The following MLKL variants were observed in gnomAD, a reference collection of about 807,000 sequenced individuals.
MLKL encodes the protein mixed lineage kinase domain-like protein.
A neutral mutation model predicts 56.5 loss-of-function variants in MLKL; 55 were observed. The observed-to-expected ratio is 0.97, with a 90% CI of 0.78 to 1.22. The LOEUF (loss-of-function observed/expected upper bound fraction) is 1.22, where lower values mean the gene tolerates loss of function less well. Ranked by LOEUF, MLKL falls within the 50% of genes most tolerant of loss-of-function variation. MLKL has a pLI of 0.00. For missense variants in MLKL, 694 were observed against 573.9 expected (o/e 1.21, Z -2.14); for synonymous variants, 251 against 208.3 (o/e 1.20, Z -1.76).
intron 1 of MLKL, among the ~76,000 whole-genome samples, chr16:74,698,220 C>T (rs1263193375): frequency 2.0e-5 from 3 of 151,958 alleles, no homozygotes; most frequent in Non-Finnish European, 4.4e-5. Context: ...AAAACACCAC[C>T]ACCACCACCA....
chr16:74,693,760 C>T (rs1960839789), intron 2 of MLKL, among the ~76,000 whole-genome samples: 1 of 151,952 alleles, frequency 6.6e-6, no homozygotes, highest in Admixed American at 6.6e-5. Context: ...CCCACCACCT[C>T]GCCCGTCTAA....
intron 4 of MLKL, among the ~76,000 whole-genome samples, chr16:74,689,927 G>C (rs1960565953): frequency 6.6e-6 from 1 of 152,128 alleles, no homozygotes; most frequent in Non-Finnish European, 1.5e-5. Context: ...AATAAAACTG[G>C]AAAGTTAAGA....
Position 74,672,252 on chromosome 16 carries a change from G to T in MLKL, c.*252C>A. 1 of 407,338 alleles carries T rather than the reference G, an allele frequency of 2.5e-6. No individual in the cohort carries two copies. The highest frequency in any genetic ancestry group is 3.9e-5 in the East Asian group (1 of 25,552). The allele number at this position is 407,338 out of a possible 1,614,324, so 25.2% of individuals were successfully genotyped here. ...GCTGCAAATTTCATTGCCAAGAGGT[G>T]TGGATACCCAGAAAGATACATTTGA... On this transcript the variant is annotated 3_prime_UTR_variant, in exon 11 of 11. Coordinates refer to ENST00000308807, the MANE Select transcript of MLKL (RefSeq NM_152649.4).
At chr16:74,698,868 C>G (rs532871664) in intron 1 of MLKL, among the ~76,000 whole-genome samples, 1 of 152,158 alleles carries the variant, frequency 6.6e-6, no homozygotes, top group Non-Finnish European at 1.5e-5. Flanking sequence ...AATCTCAGCG[C>G]TTTGGAAGGC....
intron 2 of MLKL, among the ~76,000 whole-genome samples, chr16:74,694,708 G>A (rs1960914164): frequency 6.6e-6 from 1 of 152,178 alleles, no homozygotes; most frequent in African/African-American, 2.4e-5. Context: ...GCTGCAGTGA[G>A]CTATGATTGT....
At chr16:74,689,868 C>T (rs74698410) in intron 4 of MLKL, among the ~76,000 whole-genome samples, 1,816 of 152,172 alleles carry the variant, frequency 0.012, 24 homozygotes, top group African/African-American at 0.034. Context: ...CCCTACATAA[C>T]GTCACATACA....
At chr16:74,682,002 T>C (rs566301918) in intron 6 of MLKL, among the ~76,000 whole-genome samples, 1 of 152,216 alleles carries the variant, frequency 6.6e-6, no homozygotes, top group South Asian at 2.1e-4. Context: ...TCCCAGCACT[T>C]TGGAAAGCTG....
At chr16:74,690,405 G>A (rs1960593444) in intron 4 of MLKL, among the ~76,000 whole-genome samples, 1 of 152,056 alleles carries the variant, frequency 6.6e-6, no homozygotes, top group East Asian at 1.9e-4. Flanking sequence ...TATCCTGAAG[G>A]ATTCTTATAC....
chr16:74,695,145 T>TA (rs1405653815), intron 2 of MLKL, among the ~76,000 whole-genome samples, 153 bp downstream of exon 2: 4 of 152,246 alleles, frequency 2.6e-5, no homozygotes, highest in Non-Finnish European at 5.9e-5. Flanking sequence ...GTGCTGGGAT[T>TA]ACAGGCGAGA....
chr16:74,700,271 A>G (rs990827192), intron 1 of MLKL, among the ~76,000 whole-genome samples, 182 bp downstream of exon 1: 3 of 152,002 alleles, frequency 2.0e-5, no homozygotes, highest in African/African-American at 7.3e-5. Context: ...GCTTTGGCGG[A>G]AGGTAGTGCG....
At chr16:74,675,854 G>C in intron 7 of MLKL, 90 bp from the exon 8 acceptor site, 2 of 1,349,564 alleles carry the variant, frequency 1.5e-6, no homozygotes, top group Non-Finnish European at 2.1e-6. Flanking sequence ...AATTGCCAGG[G>C]AATTGTCTTT....
chr16:74,672,565 A>G, intron 10 of MLKL, 27 bp from the exon 11 acceptor site: 1 of 1,612,324 alleles, frequency 6.2e-7, no homozygotes, highest in Non-Finnish European at 8.5e-7. Flanking sequence ...AGAAAATTAG[A>G]CCAGGGTAGG....
intron 10 of MLKL, among the ~76,000 whole-genome samples, 186 bp downstream of exon 10, chr16:74,674,774 G>A (rs1441455133): frequency 6.6e-6 from 1 of 152,102 alleles, no homozygotes; most frequent in Admixed American, 6.6e-5. Flanking sequence ...CTAGATGACA[G>A]TAGCACACTC....
chr16:74,675,925 A>T, intron 7 of MLKL, 161 bp from the exon 8 acceptor site: 1 of 736,078 alleles, frequency 1.4e-6, no homozygotes, highest in Non-Finnish European at 2.2e-6. Context: ...ATTGGTTAAC[A>T]TTATGGGTTC....
At position 74,691,390 on chromosome 16, in the gene MLKL, T is replaced by C. The variant is rs1170018723; in HGVS notation, c.609A>G (p.Gly203=). 10 of 1,613,908 alleles carry C rather than the reference T, an allele frequency of 6.2e-6. No homozygotes were observed. Among genetic ancestry groups the C allele is most frequent in the African/African-American group, 4.0e-5 (3 of 74,878 alleles). Residue 203 remains glycine, a synonymous_variant, in exon 4 of 11, where the codon GGA becomes GGG. Transcript: ENST00000308807. ...TTTCCCTTAGCAGAATCCACGGGGA[T>C]CCTGAAAGCTGCTCCTTCTTGATCT... is the stretch of plus-strand genomic sequence containing the variant. ...IKEIKKEQLS[G]SPWILLRENE...
chr16:74,687,090 C>G (rs963142155), intron 4 of MLKL, among the ~76,000 whole-genome samples: 39 of 152,130 alleles, frequency 2.6e-4, no homozygotes, highest in Admixed American at 8.5e-4. Flanking sequence ...ATTCTCCTGC[C>G]TCAGCCTCCC....
intron 7 of MLKL, chr16:74,676,256 T>G (rs1959589598): frequency 2.0e-6 from 2 of 990,694 alleles, no homozygotes; most frequent in South Asian, 9.2e-5. Context: ...TCCTTTGGCT[T>G]TGGCGTGACG....
intron 5 of MLKL, 106 bp from the exon 6 acceptor site, chr16:74,682,892 T>C: frequency 7.5e-7 from 1 of 1,329,760 alleles, no homozygotes; most frequent in Non-Finnish European, 1.0e-6. Context: ...TTGGCTCTGC[T>C]GAGTCCCATT....
chr16:74,699,072 C>T (rs1025187317), intron 1 of MLKL, among the ~76,000 whole-genome samples: 2 of 152,004 alleles, frequency 1.3e-5, no homozygotes, highest in Non-Finnish European at 2.9e-5. Context: ...GAGATCACAC[C>T]ACTGTGCTCC....
Sources: allele counts gnomAD v4.1 joint callset (sites outside exome capture counted in the v4.1 genomes callset), GRCh38; gene constraint gnomAD v4.1.1; transcripts MANE v1.5; gene names NCBI Gene and HGNC (gene_info 2026-07-23, HGNC 2026-07-21).